Variants in MYH11 observed in about 807,000 individuals in gnomAD.
MYH11 encodes myosin-11.
In MYH11, 80 loss-of-function variants were observed where a neutral mutation model predicts 246.6. The ratio of observed to expected loss-of-function variants is 0.32; its 90% CI spans 0.27 to 0.39. The LOEUF (loss-of-function observed/expected upper bound fraction) is 0.39, where lower values mean the gene tolerates loss of function less well. MYH11 is among the 10% of genes least tolerant of loss of function. MYH11 has a pLI of 1.00. For missense variants in MYH11, 2,158 were observed against 2,546.8 expected (o/e 0.85, Z 3.29); for synonymous variants, 1,071 against 1,015.5 (o/e 1.05, Z -1.04).
intron 3 of MYH11, among the ~76,000 whole-genome samples, chr16:15,801,398 G>C (rs1267997627): frequency 6.6e-6 from 1 of 152,080 alleles, no homozygotes; most frequent in Non-Finnish European, 1.5e-5. Context: ...GTTCATGCCT[G>C]TAATCTCAAC....
Position 15,721,592 on chromosome 16 carries a change from C to T in MYH11, c.4408G>A (p.Glu1470Lys), listed in dbSNP as rs753301051. 7 of 1,614,204 alleles carry T rather than the reference C, an allele frequency of 4.3e-6. No homozygotes were observed. The highest frequency in any genetic ancestry group is 5.9e-6 in the Non-Finnish European group (7 of 1,180,046). Reference sequence around the variant, plus strand: ...GCTTCTGCCTCAGCTCTGTCCCTCTCATCCGCGTATTTGGAAGAGATGTTT... The same window carrying T: ...GCTTCTGCCTCAGCTCTGTCCCTCTTATCCGCGTATTTGGAAGAGATGTTT... ...EKNISSKYAD[E>K]RDRAEAEARE... Residue 1470 changes from glutamate to lysine, a missense_variant, in exon 32 of 41, where the codon GAG becomes AAG. Glu to Lys is a moderately conservative substitution (Grantham distance 56). Coordinates refer to ENST00000300036, the MANE Select transcript of MYH11 (RefSeq NM_002474.3).
intron 3 of MYH11, 132 bp from the exon 4 acceptor site, chr16:15,798,819 G>T: frequency 2.0e-6 from 2 of 994,806 alleles, no homozygotes; most frequent in East Asian, 2.4e-5. Flanking sequence ...GTGACAACAG[G>T]TCAGCTGGGC....
rs1017010404 is a variant in MYH11 at position 15,801,391 on chromosome 16, C to A, written c.503-2704G>T. ...GATATATAGGTAGGATGCAGTGGTTCATGCCTGTAATCTCAACACTTTGGG... is the reference window on the plus strand; with the variant it reads ...GATATATAGGTAGGATGCAGTGGTTAATGCCTGTAATCTCAACACTTTGGG... On this transcript the variant is annotated intron_variant, in intron 3 of 40. Coordinates refer to ENST00000300036, the MANE Select transcript of MYH11 (RefSeq NM_002474.3). 1.2e-4 allele frequency among the ~76,000 whole-genome samples: 18 copies of A among 152,162 alleles called. No homozygotes were observed. The South Asian group carries it at 3.5e-3, about 30-fold the overall frequency.
At chr16:15,846,000 G>A (rs571935935) in intron 1 of MYH11, among the ~76,000 whole-genome samples, 2 of 152,146 alleles carry the variant, frequency 1.3e-5, no homozygotes, top group African/African-American at 4.8e-5. Flanking sequence ...TTGGGAGGCT[G>A]AGTCAGGAGA....
At chr16:15,807,436 T>C (rs1215523330) in intron 3 of MYH11, among the ~76,000 whole-genome samples, 1 of 152,076 alleles carries the variant, frequency 6.6e-6, no homozygotes, top group Admixed American at 6.6e-5. Flanking sequence ...TGTTTGTTTG[T>C]TTTTTCACAC....
At position 15,724,948 on chromosome 16, in the gene MYH11, C is replaced by A; in HGVS notation, c.3903G>T (p.Gly1301=). ...CGTCCTTGGCCAGCTTAATGGCCTT[C>A]CCCTCGGCCTCGTTAAGCATCCCTG... is the stretch of plus-strand genomic sequence containing the variant. ...SVTGMLNEAE[G]KAIKLAKDVA... Residue 1301 remains glycine (G), a synonymous_variant, in exon 29 of 41, where the codon GGG becomes GGT. Coordinates refer to ENST00000300036, the MANE Select transcript of MYH11 (RefSeq NM_002474.3). The A allele has an allele frequency of 6.2e-7, 1 of 1,614,146 alleles. No individual in the cohort carries two copies. Among genetic ancestry groups the A allele is most frequent in the Non-Finnish European group, 8.5e-7 (1 of 1,180,032 alleles).
intron 9 of MYH11, among the ~76,000 whole-genome samples, chr16:15,771,132 C>T (rs1371378491): frequency 6.6e-5 from 10 of 151,870 alleles, no homozygotes; most frequent in African/African-American, 1.9e-4. Context: ...GTAGCTAGGA[C>T]TACAAGTGTG....
chr16:15,834,512 G>C (rs1371157121), intron 2 of MYH11, among the ~76,000 whole-genome samples: 1 of 146,784 alleles, frequency 6.8e-6, no homozygotes, highest in Non-Finnish European at 1.5e-5. Flanking sequence ...AGCAACAAAA[G>C]TGAAATTCCA....
chr16:15,720,419 G>T, intron 33 of MYH11, 107 bp from the exon 34 acceptor site: 1 of 1,436,464 alleles, frequency 7.0e-7, no homozygotes, highest in South Asian at 1.2e-5. Flanking sequence ...GCCCCCTTGT[G>T]AGGTGGGCAT....
At position 15,757,983 on chromosome 16, in the gene MYH11, C is replaced by T. The variant is rs61734198; in HGVS notation, c.1419G>A (p.Gln473=). ...TCTCGTTGGTGTAGTTGATGCACAGCTGCTCGAAGGAGTTCACCTGAGCAC... is the reference window on the plus strand; with the variant it reads ...TCTCGTTGGTGTAGTTGATGCACAGTTGCTCGAAGGAGTTCACCTGAGCAC... The part of the protein sequence containing the change: ...FEIFEVNSFE[Q]LCINYTNEKL... Residue 473 remains glutamine, a synonymous_variant, in exon 13 of 41, where the codon CAG becomes CAA. Coordinates refer to ENST00000300036, the MANE Select transcript of MYH11 (RefSeq NM_002474.3). The T allele has an allele frequency of 1.2e-3, 1,994 of 1,614,036 alleles. 12 individuals carry two copies. The African/African-American group carries it at 0.016, about 13-fold the overall frequency.
At chr16:15,805,040 C>T (rs928434833) in intron 3 of MYH11, among the ~76,000 whole-genome samples, 41 of 152,264 alleles carry the variant, frequency 2.7e-4, no homozygotes, top group Middle Eastern at 3.4e-3. Flanking sequence ...TCTGAAACAT[C>T]GTCTTGGGAG....
chr16:15,823,232 C>G (rs1220686368), intron 3 of MYH11, 23 bp downstream of exon 3: 2 of 1,613,616 alleles, frequency 1.2e-6, no homozygotes, highest in African/African-American at 2.7e-5. Flanking sequence ...GAGCTGGCCC[C>G]GTGCAGCCCT....
intron 36 of MYH11, 101 bp from the exon 37 acceptor site, chr16:15,718,539 A>G (rs2040294857): frequency 6.9e-7 from 1 of 1,459,622 alleles, no homozygotes; most frequent in Non-Finnish European, 9.1e-7. Context: ...CTCATCATCT[A>G]ATGGGTGAAA....
chr16:15,714,808 C>G (rs2151191427), intron 40 of MYH11, 101 bp downstream of exon 40: 1 of 1,410,032 alleles, frequency 7.1e-7, no homozygotes, highest in East Asian at 2.3e-5. Context: ...GGAGTGGCGG[C>G]TGTGGGCACA....
chr16:15,807,712 C>A (rs1015641697), intron 3 of MYH11, among the ~76,000 whole-genome samples: 1 of 152,162 alleles, frequency 6.6e-6, no homozygotes, highest in African/African-American at 2.4e-5. Context: ...TCACCTCACA[C>A]CCCATCCTTA....
At chr16:15,782,705 CT>C in intron 5 of MYH11, 1 of 524,774 alleles carries the variant, frequency 1.9e-6, no homozygotes, top group Non-Finnish European at 3.5e-6. Context: ...AGGAAGGTCA[CT>C]TTTTTCAAGA....
At chr16:15,770,060 CCATTGTT>C (rs2042064759) in intron 9 of MYH11, among the ~76,000 whole-genome samples, 2 of 152,136 alleles carry the variant, frequency 1.3e-5, no homozygotes, top group Non-Finnish European at 2.9e-5. Context: ...AAATACTTAA[CCATTGTT>C]CATTGTTATT....
chr16:15,756,443 G>A lies in MYH11; in HGVS notation c.1647C>T (p.Phe549=), dbSNP rs768411810. 3 of 1,614,168 alleles carry A rather than the reference G, an allele frequency of 1.9e-6. No individual in the cohort carries two copies. The highest frequency in any genetic ancestry group is 1.7e-5 in the Admixed American group (1 of 60,030). ...CCTGCTCCGTGCACAGCTTCTCCAC[G>A]AAAGACTTGTCCGTGGCTTTGGGGA... is the stretch of plus-strand genomic sequence containing the variant. ...CWFPKATDKS[F]VEKLCTEQGS... The change falls in exon 14 of 41, where the codon TTC becomes TTT. Residue 549 remains phenylalanine, a synonymous_variant. Coordinates refer to ENST00000300036, the MANE Select transcript of MYH11 (RefSeq NM_002474.3).
chr16:15,767,924 TA>T (rs60729580), intron 9 of MYH11, among the ~76,000 whole-genome samples: 140 of 146,596 alleles, frequency 9.6e-4, no homozygotes, highest in African/African-American at 2.0e-3. Context: ...TCTTGTCTTT[TA>T]AAAAAAAAAA....
Sources: gnomAD v4.1 joint callset for allele counts (sites outside exome capture counted in the v4.1 genomes callset) on GRCh38, gnomAD v4.1.1 for gene constraint, MANE v1.5 for transcripts, NCBI Gene and HGNC (gene_info 2026-07-23, HGNC 2026-07-21) for gene names.